The following GPKOW variants were observed in gnomAD, a reference collection of about 807,000 sequenced individuals.
GPKOW encodes the protein G-patch domain and KOW motifs.
For missense variants in GPKOW, 359 were observed against 404.7 expected (o/e 0.89, Z 0.97); for synonymous variants, 167 against 159.1 (o/e 1.05, Z -0.37).
rs73632401 is a variant in GPKOW, at chrX:49,116,943, C to T, written c.913+87G>A. 0.018 allele frequency: 14,197 copies of T among 799,558 alleles called. 1,262 individuals are homozygous for T. The African/African-American group carries it at 0.25, about 14-fold the overall frequency. The allele number at this position is 799,558 out of a possible 1,213,427, so 65.9% of individuals were successfully genotyped here. A position where few individuals can be genotyped will look rare whatever the true frequency, so the allele number is the denominator to read the frequency against. On this transcript the variant is annotated intron_variant, in intron 6 of 10. Coordinates refer to ENST00000156109, the MANE Select transcript of GPKOW (RefSeq NM_015698.6). Reference sequence around the variant, plus strand: ...GGCACACTGCTGCCCCTCCCTGCTGCAGATCTAAAACCACCCCATTAGCCA... The same window carrying T: ...GGCACACTGCTGCCCCTCCCTGCTGTAGATCTAAAACCACCCCATTAGCCA...
In GPKOW at chrX:49,122,413, T is replaced by C. The variant is rs782676362; in HGVS notation, c.441A>G (p.Glu147=). Residue 147 remains glutamate (E), a synonymous_variant, in exon 3 of 11, where the codon GAA becomes GAG. Coordinates refer to ENST00000156109, the MANE Select transcript of GPKOW (RefSeq NM_015698.6). ...GCCAGCTCACTGTCTCTGCCCGGGGTTCGCTGTCTGCCCCTTCCCCGCTGG... is the reference window on the plus strand; with the variant it reads ...GCCAGCTCACTGTCTCTGCCCGGGGCTCGCTGTCTGCCCCTTCCCCGCTGG... ...CTPSGEGADS[E]PRAETVPEEA... is the part of the protein sequence containing the mutation. 8.6e-7 allele frequency: 1 copy of C among 1,165,439 alleles called. No individual in the cohort carries two copies. Among genetic ancestry groups the C allele is most frequent in the Non-Finnish European group, 1.1e-6 (1 of 874,101 alleles).
At chrX:49,116,442 T>G in intron 6 of GPKOW, 119 bp from the exon 7 acceptor site, 1 of 495,502 alleles carries the variant, frequency 2.0e-6, no homozygotes, top group Non-Finnish European at 3.6e-6. Flanking sequence ...TAGAGCCACC[T>G]CCCACCTGCC....
chrX:49,116,812 G>A (rs1363539188), intron 6 of GPKOW, among the ~76,000 whole-genome samples: 1 of 111,686 alleles, frequency 9.0e-6, no homozygotes, highest in Non-Finnish European at 1.9e-5. Context: ...CACTCAGACA[G>A]GCTACAGACC....
rs201662539 is a variant in GPKOW at position 49,115,752 on chromosome X, C to T, written c.1184G>A (p.Arg395Gln). The T allele has an allele frequency of 8.5e-5, 103 of 1,205,581 alleles. No homozygotes were observed. Among genetic ancestry groups the T allele is most frequent in the Non-Finnish European group, 1.1e-4 (98 of 891,642 alleles). Residue 395 changes from arginine to glutamine, a missense_variant, in exon 9 of 11, where the codon CGG (arginine) becomes CAG (glutamine). Arg to Gln is a conservative substitution (Grantham distance 43, BLOSUM62 1). Transcript: ENST00000156109. ...DVLSPDTCVC[R>Q]TDEGRVLEGL... ...TTCCAGGACTCGGCCTTCATCTGTC[C>T]GACATACACAGGTATCTGGGCTTAG...
At position 49,123,540 on chromosome X, in the gene GPKOW, G is replaced by GC. The variant is rs1383402802; in HGVS notation, c.176+6dup. On this transcript the variant is annotated splice_region_variant and intron_variant, in intron 1 of 10. Coordinates refer to ENST00000156109, the MANE Select transcript of GPKOW (RefSeq NM_015698.6). ...ATTTCCAAGGGGTGAAAGACCCGGC[G>GC]CGTCACCTCTGCAGCTCCCTCCCTT... 8.4e-7 allele frequency: 1 copy of GC among 1,190,195 alleles called. No homozygotes were observed. Among genetic ancestry groups the GC allele is most frequent in the African/African-American group, 1.8e-5 (1 of 56,728 alleles).
rs377163198 is a variant in GPKOW at position 49,114,297 on chromosome X, G to A, written c.1211-359C>T. 1.9e-4 allele frequency among the ~76,000 whole-genome samples: 21 copies of A among 109,965 alleles called. No homozygotes were observed. In the South Asian group the frequency reaches 7.1e-3, roughly 37 times the overall value. On this transcript the variant is annotated intron_variant, in intron 9 of 10. Transcript: ENST00000156109. ...TGGGATTACAGGCACCCACTACTGC[G>A]TTTGGCTAATTTTGTATTTTTAGTA...
At chrX:49,120,114 T>G (rs73498004) in intron 3 of GPKOW, among the ~76,000 whole-genome samples, 2,274 of 111,955 alleles carry the variant, frequency 0.02, 53 homozygotes, top group African/African-American at 0.07. Flanking sequence ...GGAGACATAC[T>G]ATAAATAAAA....
rs782068112 is a variant in GPKOW at position 49,115,997 on chromosome X, G to A, written c.1034C>T (p.Ala345Val). Residue 345 changes from alanine (A) to valine (V), a missense_variant, in exon 8 of 11, where the codon GCC becomes GTC. Ala to Val is a moderately conservative substitution (Grantham distance 64, BLOSUM62 0). Transcript: ENST00000156109. ...TCTGGGGGCTGCTTTCTCACTCTTG[G>A]CTGCAGGCCCATCCTGTCTGTGGAG... ...HLPDRQDGPA[A>V]KSEKAAPRSQ... 25 of 1,210,139 alleles carry A rather than the reference G, an allele frequency of 2.1e-5. No homozygotes were observed. In the African/African-American group the frequency reaches 3.7e-4, roughly 18 times the overall value.
chrX:49,119,129 T>G (rs782797460), intron 4 of GPKOW, among the ~76,000 whole-genome samples: 1 of 104,457 alleles, frequency 9.6e-6, no homozygotes, highest in Admixed American at 1.0e-4. Context: ...TTTTTTGTAT[T>G]TTTTTTTTTA....
intron 3 of GPKOW, among the ~76,000 whole-genome samples, chrX:49,121,590 T>C (rs192295988): frequency 9.2e-4 from 102 of 110,299 alleles, no homozygotes; most frequent in African/African-American, 3.3e-3. Context: ...AGGTGAAAAG[T>C]CAGGTCTGTG....
chrX:49,122,682 T>A lies in GPKOW; in HGVS notation c.271A>T (p.Thr91Ser). The stretch of plus-strand genomic sequence containing the variant: ...CCATCCGCCAAGGCCCCAGTATCTG[T>A]GGATGGCCCAGGGGGCCGGGCTGGT... ...QPPARPPGPS[T>S]DTGALADGVV... Residue 91 changes from threonine to serine, a missense_variant, in exon 2 of 11, where the codon ACA becomes TCA. Transcript: ENST00000156109. 1 of 1,210,866 alleles carries A rather than the reference T, an allele frequency of 8.3e-7. No individual in the cohort carries two copies. Among genetic ancestry groups the A allele is most frequent in the Non-Finnish European group, 1.1e-6 (1 of 894,644 alleles).
chrX:49,113,548 C>T lies in GPKOW; in HGVS notation c.*73G>A. The T allele has an allele frequency of 9.6e-6, 10 of 1,041,220 alleles. No individual in the cohort carries two copies. Among genetic ancestry groups the T allele is most frequent in the Non-Finnish European group, 1.3e-5 (10 of 744,601 alleles). 85.8% of individuals were successfully genotyped at this position (1,041,220 alleles called of 1,213,427 possible). On this transcript the variant is annotated 3_prime_UTR_variant, in exon 11 of 11. Transcript: ENST00000156109. ...GTAGAGGATGGAACAATGATCTTCC[C>T]ACCTTCTGAAGGCAACTTTCTCATA...
Position 49,122,502 on chromosome X carries a change from C to T in GPKOW, c.352G>A (p.Glu118Lys). 1 of 1,207,261 alleles carries T rather than the reference C, an allele frequency of 8.3e-7. No individual in the cohort carries two copies. ...LIAESKKSLE[E>K]RENAGVDPTL... ...GGGTCGACACCCGCATTCTCTCTCT[C>T]TTCCAGAGACTTCTTGGATTCTAAA... The change falls in exon 3 of 11, where the codon GAG becomes AAG. Residue 118 changes from glutamate to lysine, a missense_variant. Transcript: ENST00000156109.
rs142444196 is a variant in GPKOW at position 49,122,425 on chromosome X, C to T, written c.429G>A (p.Gly143=). ...IQKGCTPSGE[G]ADSEPRAETV... is the part of the protein sequence containing the mutation. ...TCTCTGCCCGGGGTTCGCTGTCTGC[C>T]CCTTCCCCGCTGGGGGTGCATCCTT... The change falls in exon 3 of 11, where the codon GGG becomes GGA. Residue 143 remains glycine, a synonymous_variant. Coordinates refer to ENST00000156109, the MANE Select transcript of GPKOW (RefSeq NM_015698.6). The T allele has an allele frequency of 2.5e-6, 3 of 1,177,419 alleles. No homozygotes were observed. The highest frequency in any genetic ancestry group is 3.4e-6 in the Non-Finnish European group (3 of 880,368).
rs1271759262 is a variant in GPKOW, at chrX:49,113,586, G to A, written c.*35C>T. 1 of 1,189,511 alleles carries A rather than the reference G, an allele frequency of 8.4e-7. No individual in the cohort carries two copies. The highest frequency in any genetic ancestry group is 1.1e-6 in the Non-Finnish European group (1 of 876,987). ...CAACTTTCTCATATGGTACAGAACT[G>A]GTACCAGCCTGGGGGATGGGAGGAG... is the stretch of plus-strand genomic sequence containing the variant. On this transcript the variant is annotated 3_prime_UTR_variant, in exon 11 of 11. Transcript: ENST00000156109.
rs1666731162 is a variant in GPKOW at position 49,113,571 on chromosome X, A to C, written c.*50T>G. ...CCCACCTTCTGAAGGCAACTTTCTC[A>C]TATGGTACAGAACTGGTACCAGCCT... On this transcript the variant is annotated 3_prime_UTR_variant, in exon 11 of 11. Coordinates refer to ENST00000156109, the MANE Select transcript of GPKOW (RefSeq NM_015698.6). 1.0e-5 allele frequency: 12 copies of C among 1,163,071 alleles called. No homozygotes were observed. The highest frequency in any genetic ancestry group is 1.4e-5 in the Non-Finnish European group (12 of 852,492).
chrX:49,115,836 T>G (rs782226391), intron 8 of GPKOW, 41 bp from the exon 9 acceptor site: 1 of 1,197,039 alleles, frequency 8.4e-7, no homozygotes, highest in Admixed American at 2.2e-5. Context: ...TTTAGAGAGG[T>G]AGGGGGGCCC....
At chrX:49,118,020 A>C (rs1009933890) in intron 4 of GPKOW, among the ~76,000 whole-genome samples, 2 of 109,117 alleles carry the variant, frequency 1.8e-5, no homozygotes, top group Admixed American at 2.0e-4. Context: ...TCCCAGGTTC[A>C]AGGGATTCTC....
At position 49,120,857 on chromosome X, in the gene GPKOW, T is replaced by A. The variant is rs782655942; in HGVS notation, c.457-1043A>T. ...TTTTGTATTTTTACTAGTGATGGGG[T>A]TTCGCCATGTTGGCCAGGCTGGTCT... is the stretch of plus-strand genomic sequence containing the variant. On this transcript the variant is annotated intron_variant, in intron 3 of 10. Transcript: ENST00000156109. Among the ~76,000 whole-genome samples the A allele has an allele frequency of 3.7e-5, 4 of 109,331 alleles. No individual in the cohort carries two copies. In the South Asian group the frequency reaches 1.6e-3, roughly 43 times the overall value. The allele number at this position is 109,331 out of a possible 115,157, so 94.9% of individuals were successfully genotyped here.
Sources: allele counts gnomAD v4.1 joint callset (sites outside exome capture counted in the v4.1 genomes callset), GRCh38; gene constraint gnomAD v4.1.1; transcripts MANE v1.5; gene names NCBI Gene and HGNC (gene_info 2026-07-23, HGNC 2026-07-21).